The following PRR11 variants were observed in gnomAD, a reference collection of about 807,000 sequenced individuals.
PRR11 encodes proline rich 11, also known as proline-rich protein 11.
Under a neutral mutation model 45.6 loss-of-function variants are expected in PRR11, and 30 were observed. That is an observed-to-expected ratio of 0.66 (90% CI 0.49 to 0.89). The LOEUF is 0.89. PRR11 is among the 40% of genes least tolerant of loss of function. PRR11 has a pLI of 0.00. For synonymous variants in PRR11, 128 were observed against 153.5 expected (o/e 0.83, Z 1.23); for missense variants, 373 against 424.8 (o/e 0.88, Z 1.07).
rs1026623507 is a variant in PRR11, at chr17:59,155,804, T to C, written c.-7T>C. The C allele has an allele frequency of 1.3e-5, 2 of 158,078 alleles. No homozygotes were observed. The highest frequency in any genetic ancestry group is 6.1e-5 in the Admixed American group (1 of 16,382). 9.8% of individuals were successfully genotyped at this position (158,078 alleles called of 1,614,324 possible). ...CCATCGACTCCCCCGGCTCTTAGAC[T>C]AGTAAGTGCAGGAACGATTATTTCT... On this transcript the variant is annotated splice_region_variant and 5_prime_UTR_variant, in exon 1 of 10. The change abolishes the stop of an existing upstream ORF in the 5' untranslated region. Transcript: ENST00000262293.
chr17:59,179,811 C>G (rs371964641), intron 2 of PRR11: 394 of 1,352,022 alleles, frequency 2.9e-4, no homozygotes, highest in African/African-American at 2.8e-3. Flanking sequence ...TCCTCAGATT[C>G]GTCCGACCAC....
At chr17:59,173,602 G>A (rs371664357) in intron 2 of PRR11, among the ~76,000 whole-genome samples, 2 of 152,130 alleles carry the variant, frequency 1.3e-5, no homozygotes, top group South Asian at 2.1e-4. Context: ...CCACGAACCC[G>A]CCAGAAGGCT....
intron 2 of PRR11, chr17:59,175,079 GT>G (rs766167162): frequency 4.6e-5 from 27 of 582,622 alleles, no homozygotes; most frequent in Non-Finnish European, 8.2e-5. Flanking sequence ...AGTAGAAAAT[GT>G]TTCATTTGGA....
chr17:59,158,025 T>C (rs993498838), intron 1 of PRR11, among the ~76,000 whole-genome samples: 2 of 152,182 alleles, frequency 1.3e-5, no homozygotes, highest in African/African-American at 4.8e-5. Flanking sequence ...TGCTAAGGAA[T>C]TTAATTTTGT....
intron 1 of PRR11, among the ~76,000 whole-genome samples, chr17:59,166,930 G>A (rs761975504): frequency 8.5e-5 from 13 of 152,116 alleles, no homozygotes; most frequent in Admixed American, 2.6e-4. Flanking sequence ...TTGGGAGGCC[G>A]AGGCAGGCAG....
chr17:59,157,708 C>CA (rs112975995), intron 1 of PRR11, among the ~76,000 whole-genome samples: 1,751 of 140,886 alleles, frequency 0.012, 36 homozygotes, highest in African/African-American at 0.039. Context: ...TCCACCCCCC[C>CA]AAAAAAAAAA....
rs905639418 is a variant in PRR11, at chr17:59,205,654, G to A, written c.*4023G>A. Reference sequence around the variant, plus strand: ...GCAGAGGTTGCAGTGAGCCGAGATCGCCCCATTGCACTCCAGCTTGAGCAA... The same window carrying A: ...GCAGAGGTTGCAGTGAGCCGAGATCACCCCATTGCACTCCAGCTTGAGCAA... On this transcript the variant is annotated 3_prime_UTR_variant, in exon 10 of 10. Coordinates refer to ENST00000262293, the MANE Select transcript of PRR11 (RefSeq NM_018304.4). Among the ~76,000 whole-genome samples, 2 of 150,870 alleles carry A rather than the reference G, an allele frequency of 1.3e-5. No individual in the cohort carries two copies. Among genetic ancestry groups the A allele is most frequent in the African/African-American group, 2.4e-5 (1 of 41,044 alleles).
chr17:59,195,904 G>GC (rs906203260), intron 7 of PRR11, among the ~76,000 whole-genome samples: 1 of 151,804 alleles, frequency 6.6e-6, no homozygotes, highest in African/African-American at 2.4e-5. Context: ...CATAGTGAGA[G>GC]CCCCATCTCT....
In PRR11 at chr17:59,193,362, G is replaced by A. The variant is rs2046848488; in HGVS notation, c.403-130G>A. The A allele has an allele frequency of 4.3e-6, 5 of 1,165,194 alleles. No individual in the cohort carries two copies. In the East Asian group the frequency reaches 1.0e-4, roughly 23 times the overall value. 72.2% of individuals were successfully genotyped at this position (1,165,194 alleles called of 1,614,324 possible). On this transcript the variant is annotated intron_variant, in intron 4 of 9. Coordinates refer to ENST00000262293, the MANE Select transcript of PRR11 (RefSeq NM_018304.4). ...TGAAGAAACTTATGATTATAAATGA[G>A]AAAATATCAGGAAGCACATGGTACG...
At chr17:59,181,016 G>C (rs535810954) in intron 2 of PRR11, among the ~76,000 whole-genome samples, 1 of 151,452 alleles carries the variant, frequency 6.6e-6, no homozygotes, top group African/African-American at 2.4e-5. Flanking sequence ...TTGAGACAGA[G>C]TCTCTCTCTG....
intron 1 of PRR11, among the ~76,000 whole-genome samples, chr17:59,164,305 C>T (rs2046668503): frequency 6.6e-6 from 1 of 152,130 alleles, no homozygotes; most frequent in Non-Finnish European, 1.5e-5. Flanking sequence ...GCTGTTTCCC[C>T]TAGATTTTTT....
chr17:59,173,105 A>G (rs995788353), intron 2 of PRR11, among the ~76,000 whole-genome samples: 5 of 152,240 alleles, frequency 3.3e-5, no homozygotes, highest in African/African-American at 1.2e-4. Context: ...TGTCTAGCTC[A>G]GGGTTTCTAA....
intron 2 of PRR11, chr17:59,179,900 A>T: frequency 2.3e-6 from 3 of 1,329,158 alleles, no homozygotes; most frequent in South Asian, 1.2e-5. Flanking sequence ...AAACCAGGCC[A>T]CTGTATAATG....
intron 2 of PRR11, among the ~76,000 whole-genome samples, chr17:59,173,641 A>G (rs1365588707): frequency 1.3e-5 from 2 of 152,052 alleles, no homozygotes; most frequent in Non-Finnish European, 2.9e-5. Flanking sequence ...GAAGGAACAA[A>G]CTCCGGACAC....
chr17:59,179,426 C>T (rs1263151971), intron 2 of PRR11, among the ~76,000 whole-genome samples: 4 of 152,118 alleles, frequency 2.6e-5, no homozygotes, highest in Admixed American at 6.6e-5. Context: ...CGTGAGCCAC[C>T]GCACTTGGCC....
At chr17:59,179,922 G>A (rs1210300821) in intron 2 of PRR11, 7 of 1,299,732 alleles carry the variant, frequency 5.4e-6, no homozygotes, top group Non-Finnish European at 1.1e-6. Context: ...TTCTGCAATT[G>A]AACTCCTTAG....
At chr17:59,196,284 T>TA (rs995027178) in intron 7 of PRR11, among the ~76,000 whole-genome samples, 2 of 152,172 alleles carry the variant, frequency 1.3e-5, no homozygotes, top group Non-Finnish European at 2.9e-5. Flanking sequence ...CACAGACAGA[T>TA]ACACACATAT....
chr17:59,163,930 T>C (rs1568317398), intron 1 of PRR11, among the ~76,000 whole-genome samples: 1 of 152,068 alleles, frequency 6.6e-6, no homozygotes, highest in Non-Finnish European at 1.5e-5. Flanking sequence ...CCTGGCGCCG[T>C]GGCAGGCGCC....
intron 2 of PRR11, among the ~76,000 whole-genome samples, chr17:59,177,718 TA>T (rs2147843496): frequency 6.6e-6 from 1 of 151,932 alleles, no homozygotes; most frequent in Non-Finnish European, 1.5e-5. Context: ...TGACAAATAA[TA>T]AAAAGACCAA....
Sources: gnomAD v4.1 joint callset for allele counts (sites outside exome capture counted in the v4.1 genomes callset) on GRCh38, gnomAD v4.1.1 for gene constraint, MANE v1.5 for transcripts, NCBI Gene and HGNC (gene_info 2026-07-23, HGNC 2026-07-21) for gene names.